The following BMP6 variants were observed in gnomAD, a reference collection of about 807,000 sequenced individuals.
BMP6 encodes bone morphogenetic protein 6.
Under a neutral mutation model 54.1 loss-of-function variants are expected in BMP6, and 17 were observed. That is an observed-to-expected ratio of 0.31 (90% CI 0.22 to 0.47). BMP6 has a LOEUF of 0.47. Ranked by LOEUF, BMP6 falls within the 20% of genes least tolerant of loss-of-function variation. The probability of loss-of-function intolerance (pLI) is 1.00; values close to 1 mark genes in which losing one functional copy is unlikely to be tolerated. For synonymous variants in BMP6, 328 were observed against 291.2 expected (o/e 1.13, Z -1.28); for missense variants, 720 against 690.4 (o/e 1.04, Z -0.48).
chr6:7,879,085 A>G lies in BMP6; in HGVS notation c.1216A>G (p.Ser406Gly). Residue 406 changes from serine (S) to glycine (G), a missense_variant, in exon 5 of 7, where the codon AGT becomes GGT. This residue lies in a region of BMP6 where 650 missense variants were observed against 556.3 expected (regional missense o/e 1.17). Coordinates refer to ENST00000283147, the MANE Select transcript of BMP6 (RefSeq NM_001718.6). ...RVSSASDYNS[S>G]ELKTACRKHE... is the part of the protein sequence containing the mutation. ...ATCTCCTCCAACAGATTACAACAGC[A>G]GTGAATTGAAAACAGCCTGCAGGAA... is the stretch of plus-strand genomic sequence containing the variant. 6.2e-7 allele frequency: 1 copy of G among 1,614,172 alleles called. No homozygotes were observed. Among genetic ancestry groups the G allele is most frequent in the Non-Finnish European group, 8.5e-7 (1 of 1,179,964 alleles).
chr6:7,807,728 G>T (rs960798030), intron 1 of BMP6, among the ~76,000 whole-genome samples: 6 of 152,200 alleles, frequency 3.9e-5, no homozygotes, highest in African/African-American at 1.2e-4. Context: ...TTATGTTGGA[G>T]GTTAGAGTCA....
chr6:7,790,926 G>A (rs923833750), intron 1 of BMP6, among the ~76,000 whole-genome samples: 1 of 152,046 alleles, frequency 6.6e-6, no homozygotes. Context: ...TTGCATGTTC[G>A]AGTCCACCCT....
intron 1 of BMP6, among the ~76,000 whole-genome samples, chr6:7,774,058 A>G (rs956673938): frequency 1.3e-5 from 2 of 152,220 alleles, no homozygotes; most frequent in African/African-American, 4.8e-5. Context: ...TCCTGGGCCA[A>G]GGTGGGAGTG....
intron 1 of BMP6, among the ~76,000 whole-genome samples, chr6:7,809,457 A>G (rs969707895): frequency 6.6e-5 from 10 of 152,242 alleles, no homozygotes; most frequent in African/African-American, 2.2e-4. Context: ...GCCCAGAAGA[A>G]TTGTAAAAAG....
intron 1 of BMP6, among the ~76,000 whole-genome samples, chr6:7,733,466 C>A (rs749852280): frequency 8.5e-5 from 13 of 152,136 alleles, no homozygotes; most frequent in Non-Finnish European, 1.9e-4. Context: ...TTTACCAAGG[C>A]CCCATTCACG....
chr6:7,779,296 A>G (rs1263608816), intron 1 of BMP6, among the ~76,000 whole-genome samples: 1 of 152,166 alleles, frequency 6.6e-6, no homozygotes, highest in Non-Finnish European at 1.5e-5. Flanking sequence ...GGTGGATTTA[A>G]GCTCTAGTAA....
chr6:7,787,193 C>T (rs575698921), intron 1 of BMP6, among the ~76,000 whole-genome samples: 2 of 152,254 alleles, frequency 1.3e-5, no homozygotes, highest in East Asian at 1.9e-4. Context: ...AAGTGTTGAT[C>T]GGCTCTTGGG....
chr6:7,838,681 G>T (rs953080524), intron 1 of BMP6, among the ~76,000 whole-genome samples: 3 of 152,118 alleles, frequency 2.0e-5, no homozygotes, highest in African/African-American at 7.2e-5. Flanking sequence ...GGTGGCTCAC[G>T]CCTGTAATCC....
chr6:7,767,240 C>T (rs1581238869), intron 1 of BMP6, among the ~76,000 whole-genome samples: 1 of 152,216 alleles, frequency 6.6e-6, no homozygotes, highest in Non-Finnish European at 1.5e-5. Flanking sequence ...TCCCAAAGTG[C>T]TGGGATTACA....
At chr6:7,855,537 ATC>A (rs34465524) in intron 2 of BMP6, among the ~76,000 whole-genome samples, 10 of 100,862 alleles carry the variant, frequency 9.9e-5, no homozygotes, top group South Asian at 6.6e-4. Flanking sequence ...CTTAATCTCA[ATC>A]TCTCTCTCTC....
In BMP6 at chr6:7,881,358, A is replaced by ACAAT. The variant is rs1218912120; in HGVS notation, c.*1018_*1021dup. 1 of 152,636 alleles carries ACAAT rather than the reference A, an allele frequency of 6.6e-6. No individual in the cohort carries two copies. The highest frequency in any genetic ancestry group is 2.4e-5 in the African/African-American group (1 of 41,444). 9.5% of individuals were successfully genotyped at this position (152,636 alleles called of 1,614,324 possible). ...AGAATATTTTCTAAATGTCTTTTTC[A>ACAAT]CAATCATGTACTGGGAAGGCAATTT... On this transcript the variant is annotated 3_prime_UTR_variant, in exon 7 of 7. Transcript: ENST00000283147.
chr6:7,761,884 C>G (rs2113142487), intron 1 of BMP6, among the ~76,000 whole-genome samples: 1 of 152,300 alleles, frequency 6.6e-6, no homozygotes, highest in African/African-American at 2.4e-5. Flanking sequence ...ATGTGTCTTA[C>G]TCCCCTTGGA....
chr6:7,756,920 C>T (rs1757523222), intron 1 of BMP6, among the ~76,000 whole-genome samples: 1 of 152,168 alleles, frequency 6.6e-6, no homozygotes, highest in Non-Finnish European at 1.5e-5. Context: ...TCCCATAGTT[C>T]TTTCCTTGCC....
intron 1 of BMP6, among the ~76,000 whole-genome samples, chr6:7,792,591 C>G (rs1414538542): frequency 6.6e-6 from 1 of 152,226 alleles, no homozygotes; most frequent in African/African-American, 2.4e-5. Flanking sequence ...GACAGGCACA[C>G]AGGCATACCC....
At chr6:7,852,214 A>G (rs1028626559) in intron 2 of BMP6, among the ~76,000 whole-genome samples, 5 of 152,216 alleles carry the variant, frequency 3.3e-5, no homozygotes, top group African/African-American at 1.2e-4. Context: ...GGCAGGGTTT[A>G]AGGATGTATT....
chr6:7,837,858 TAGAAAAC>T (rs1336659595), intron 1 of BMP6, among the ~76,000 whole-genome samples: 1 of 152,204 alleles, frequency 6.6e-6, no homozygotes, highest in Non-Finnish European at 1.5e-5. Context: ...GACAGACCTC[TAGAAAAC>T]AGACTTAAAA....
intron 4 of BMP6, among the ~76,000 whole-genome samples, chr6:7,867,223 G>A (rs1466194797): frequency 2.0e-5 from 3 of 152,128 alleles, no homozygotes; most frequent in African/African-American, 7.2e-5. Flanking sequence ...CCCCAAACAT[G>A]TATCTTTAAG....
At chr6:7,813,102 AAAAAAAATATATATATATATATATAT>A (rs1758458867) in intron 1 of BMP6, among the ~76,000 whole-genome samples, 1 of 42,018 alleles carries the variant, frequency 2.4e-5, no homozygotes, top group African/African-American at 1.3e-4. Flanking sequence ...AAAAAAAAAA[AAAAAAAATATATATATATATATATAT>A]ATATATATAT....
intron 2 of BMP6, 25 bp from the exon 3 acceptor site, chr6:7,861,426 C>T: frequency 6.2e-7 from 1 of 1,612,736 alleles, no homozygotes; most frequent in East Asian, 2.2e-5. Context: ...GCGCTATTTA[C>T]CAGGCCATTT....
Sources: allele counts gnomAD v4.1 joint callset (sites outside exome capture counted in the v4.1 genomes callset), GRCh38; gene constraint gnomAD v4.1.1; regional missense constraint gnomAD v4.1.1; transcripts MANE v1.5; gene names NCBI Gene and HGNC (gene_info 2026-07-23, HGNC 2026-07-21).